Variants in INTS11 observed in about 807,000 individuals in gnomAD.
The protein encoded by INTS11 is integrator complex subunit 11.
Under a neutral mutation model 78.6 loss-of-function variants are expected in INTS11, and 77 were observed. That is an observed-to-expected ratio of 0.98 (90% confidence interval 0.81 to 1.18). The LOEUF (loss-of-function observed/expected upper bound fraction) is 1.18, where lower values mean the gene tolerates loss of function less well. Ranked by LOEUF, INTS11 falls within the 50% of genes most tolerant of loss-of-function variation. INTS11 has a pLI of 0.00. For missense variants in INTS11, 875 were observed against 825.9 expected (o/e 1.06, Z -0.73); for synonymous variants, 441 against 326.9 (o/e 1.35, Z -3.77).
chr1:1,313,224 A>C (rs1570708800), intron 10 of INTS11, 100 bp from the exon 11 acceptor site: 1 of 1,375,660 alleles, frequency 7.3e-7, no homozygotes. Flanking sequence ...AGCTGTTTCC[A>C]CCTGCCAGCG....
intron 4 of INTS11, chr1:1,317,530 G>T (rs570187967): frequency 4.8e-6 from 4 of 828,294 alleles, no homozygotes; most frequent in Admixed American, 1.2e-4. Context: ...AACAGATGAC[G>T]GAGTTTCAAG....
intron 1 of INTS11, chr1:1,322,953 G>A (rs1375128322): frequency 7.4e-7 from 1 of 1,351,044 alleles, no homozygotes; most frequent in South Asian, 1.9e-5. Flanking sequence ...GAAGCCACAT[G>A]AAAGATCAGA....
In INTS11 at chr1:1,313,952, G is replaced by T. The variant is rs748662321; in HGVS notation, c.768-31C>A. ...GACCACCGGCCCAGTCAGCACAGTG[G>T]CCACAGGGGAGAATGCTGCAGGGCA... On this transcript the variant is annotated intron_variant, in intron 8 of 16. Transcript: ENST00000435064. The T allele has an allele frequency of 3.8e-6, 6 of 1,598,690 alleles. No homozygotes were observed. The East Asian group carries it at 1.3e-4, about 36-fold the overall frequency.
At chr1:1,318,534 T>G (rs1235486874) in intron 4 of INTS11, 1 of 223,198 alleles carries the variant, frequency 4.5e-6, no homozygotes, top group Non-Finnish European at 8.8e-6. Context: ...GGGCACATGC[T>G]TGTAGTCCCA....
chr1:1,323,579 A>AT (rs376175098), intron 1 of INTS11, among the ~76,000 whole-genome samples: 3,295 of 138,308 alleles, frequency 0.024, 89 homozygotes, highest in African/African-American at 0.064. Context: ...CAATTTTAGC[A>AT]TTTTTTTTTT....
In INTS11 at chr1:1,324,605, G is replaced by A. The variant is rs1047769533; in HGVS notation, c.4C>T (p.Pro2Ser). 3 of 1,598,806 alleles carry A rather than the reference G, an allele frequency of 1.9e-6. No individual in the cohort carries two copies. Residue 2 changes from proline (P) to serine (S), a missense_variant, in exon 1 of 17, where the codon CCT (proline) becomes TCT (serine). Pro to Ser is a moderately conservative substitution (Grantham distance 74). Transcript: ENST00000435064. ...CCCAAGGGCGTGACTCTGATCTCAG[G>A]CATCGTCTCCGCCGCGCTCCCGGAC... is the stretch of plus-strand genomic sequence containing the variant. M[P>S]EIRVTPLGAG... is the part of the protein sequence containing the mutation.
At position 1,312,985 on chromosome 1, in the gene INTS11, C is replaced by T. The variant is rs746175790; in HGVS notation, c.1132-36G>A. 11 of 1,611,896 alleles carry T rather than the reference C, an allele frequency of 6.8e-6. No homozygotes were observed. The Admixed American group carries it at 1.2e-4, about 17-fold the overall frequency. ...CACGGGGCGTGGACAGTGGTTACCA[C>T]CAGGAGGTGCCCCTCGGCCCTGCCA... On this transcript the variant is annotated intron_variant, in intron 11 of 16. Coordinates refer to ENST00000435064, the MANE Select transcript of INTS11 (RefSeq NM_017871.6).
intron 4 of INTS11, chr1:1,318,668 G>T: frequency 6.9e-6 from 3 of 437,892 alleles, no homozygotes; most frequent in East Asian, 3.6e-5. Flanking sequence ...AAAAATTAAA[G>T]TTTCACAACA....
At position 1,314,029 on chromosome 1, in the gene INTS11, G is replaced by T; in HGVS notation, c.768-108C>A. 2 of 1,163,686 alleles carry T rather than the reference G, an allele frequency of 1.7e-6. No homozygotes were observed. Among genetic ancestry groups the T allele is most frequent in the Non-Finnish European group, 2.5e-6 (2 of 806,742 alleles). 72.1% of individuals were successfully genotyped at this position (1,163,686 alleles called of 1,614,324 possible). On this transcript the variant is annotated intron_variant, in intron 8 of 16. Coordinates refer to ENST00000435064, the MANE Select transcript of INTS11 (RefSeq NM_017871.6). This position sits in a 1 kb window ranked among gnomAD's most constrained non-coding sequence, Gnocchi z 4.2. ...CCGTGTCTGCACAGCCCACGCACGG[G>T]CCAGGTTGAGTCCAGTCGCGACCAC...
chr1:1,318,095 C>G (rs1642724629), intron 4 of INTS11, among the ~76,000 whole-genome samples: 1 of 152,108 alleles, frequency 6.6e-6, no homozygotes, highest in Non-Finnish European at 1.5e-5. Flanking sequence ...TGGTCTCGAT[C>G]TCCTGACCTC....
chr1:1,315,192 G>C (rs768810768), intron 6 of INTS11: 1 of 726,360 alleles, frequency 1.4e-6, no homozygotes, highest in African/African-American at 1.8e-5. Flanking sequence ...CCCACCCAGA[G>C]ACTTGGGAAG....
Position 1,320,444 on chromosome 1 carries a change from A to G in INTS11, c.200+12T>C, listed in dbSNP as rs916822345. On this transcript the variant is annotated intron_variant, in intron 3 of 16. Transcript: ENST00000435064. ...AGACATGGGACCCTCAAGGCCCCCA[A>G]CAGGAACCCACCTAATGATCACACA... is the stretch of plus-strand genomic sequence containing the variant. 3 of 1,613,474 alleles carry G rather than the reference A, an allele frequency of 1.9e-6. No individual in the cohort carries two copies. The highest frequency in any genetic ancestry group is 3.3e-5 in the Admixed American group (2 of 60,014).
At chr1:1,320,174 G>C (rs1191401407) in intron 3 of INTS11, 4 of 423,430 alleles carry the variant, frequency 9.4e-6, no homozygotes, top group African/African-American at 8.1e-5. Context: ...ACAAGACAGT[G>C]GGGTTTAAAG....
chr1:1,323,436 T>C, intron 1 of INTS11: 4 of 996,048 alleles, frequency 4.0e-6, no homozygotes, highest in Non-Finnish European at 5.8e-6. Flanking sequence ...AGACATGGTT[T>C]TGCTGTCACC....
intron 4 of INTS11, chr1:1,317,174 G>A (rs1642662686): frequency 6.6e-6 from 1 of 152,054 alleles, no homozygotes; most frequent in South Asian, 2.1e-4. Flanking sequence ...TGGATCACCT[G>A]AGATCAGGAG....
Position 1,312,574 on chromosome 1 carries a change from C to T in INTS11, c.1402+19G>A, listed in dbSNP as rs760462835. ...CGCCTGCCCCGAGCACCCTGCCCTG[C>T]CCTGCCCAGCCCGCATACCCTGCGC... On this transcript the variant is annotated intron_variant, in intron 13 of 16. Coordinates refer to ENST00000435064, the MANE Select transcript of INTS11 (RefSeq NM_017871.6). The T allele has an allele frequency of 1.3e-6, 2 of 1,576,976 alleles. No homozygotes were observed. The highest frequency in any genetic ancestry group is 1.7e-6 in the Non-Finnish European group (2 of 1,158,094).
At chr1:1,322,439 G>T (rs1361374960) in intron 1 of INTS11, among the ~76,000 whole-genome samples, 1 of 147,012 alleles carries the variant, frequency 6.8e-6, no homozygotes, top group African/African-American at 2.6e-5. Flanking sequence ...CCAGACGAAG[G>T]TTACTATGAC....
chr1:1,322,743 G>C (rs1643026167), intron 1 of INTS11: 2 of 259,774 alleles, frequency 7.7e-6, no homozygotes, highest in Non-Finnish European at 1.1e-5. Context: ...TGGGTAGGGG[G>C]ACCGGCGGCG....
chr1:1,312,601 A>G lies in INTS11; in HGVS notation c.1394T>C (p.Met465Thr), dbSNP rs377689242. 5.1e-6 allele frequency: 8 copies of G among 1,573,462 alleles called. No individual in the cohort carries two copies. The highest frequency in any genetic ancestry group is 4.1e-5 in the African/African-American group (3 of 73,962). Residue 465 changes from methionine to threonine, a missense_variant, in exon 13 of 17, where the codon ATG (methionine) becomes ACG (threonine). Met to Thr is a moderately conservative substitution (Grantham distance 81). Transcript: ENST00000435064. ...CTGCCCAGCCCGCATACCCTGCGCCATCTCCCGCTTCAGCAGCCCCAGCGA... is the reference window on the plus strand; with the variant it reads ...CTGCCCAGCCCGCATACCCTGCGCCGTCTCCCGCTTCAGCAGCCCCAGCGA... ...GISLGLLKRE[M>T]AQGLLPEAKK...
Sources: allele counts gnomAD v4.1 joint callset (sites outside exome capture counted in the v4.1 genomes callset), GRCh38; gene constraint gnomAD v4.1.1; non-coding constraint Gnocchi (gnomAD v3.1); transcripts MANE v1.5; gene names NCBI Gene and HGNC (gene_info 2026-07-23, HGNC 2026-07-21).